The following FBN2 variants were observed in gnomAD, a reference collection of about 807,000 sequenced individuals.
FBN2 encodes the protein fibrillin-2.
A neutral mutation model predicts 355.6 loss-of-function variants in FBN2; 105 were observed. The ratio of observed to expected loss-of-function variants is 0.30; its 90% CI spans 0.25 to 0.35. FBN2 has a LOEUF of 0.35. Ranked by LOEUF, FBN2 falls within the 10% of genes least tolerant of loss-of-function variation. The probability of loss-of-function intolerance (pLI) is 1.00; values close to 1 mark genes in which losing one functional copy is unlikely to be tolerated. For missense variants in FBN2, 3,280 were observed against 3,758.7 expected (o/e 0.87, Z 3.33); for synonymous variants, 1,350 against 1,301.2 (o/e 1.04, Z -0.81).
Position 128,369,045 on chromosome 5 carries a change from T to C in FBN2, c.2248+137A>G, listed in dbSNP as rs148364306. The C allele has an allele frequency of 1.1e-3, 940 of 865,740 alleles. 13 individuals carry two copies. In the East Asian group the frequency reaches 0.02, roughly 19 times the overall value. The allele number at this position is 865,740 out of a possible 1,614,324, so 53.6% of individuals were successfully genotyped here. A position where few individuals can be genotyped will look rare whatever the true frequency, so the allele number is the denominator to read the frequency against. Reference sequence around the variant, plus strand: ...ATCTCCTTATTATATGCCTCACATATCAATACAGGATTGGATTTCTCTTCT... The same window carrying C: ...ATCTCCTTATTATATGCCTCACATACCAATACAGGATTGGATTTCTCTTCT... On this transcript the variant is annotated intron_variant, in intron 16 of 64. Coordinates refer to ENST00000262464, the MANE Select transcript of FBN2 (RefSeq NM_001999.4).
At chr5:128,438,850 C>A (rs1753844245) in intron 7 of FBN2, among the ~76,000 whole-genome samples, 2 of 152,084 alleles carry the variant, frequency 1.3e-5, no homozygotes, top group Non-Finnish European at 2.9e-5. Context: ...TAGGTTAGGG[C>A]ACTCAATGTG....
chr5:128,483,017 A>G (rs1367975622), intron 5 of FBN2, among the ~76,000 whole-genome samples: 1 of 152,224 alleles, frequency 6.6e-6, no homozygotes, highest in Non-Finnish European at 1.5e-5. Context: ...ACAGCCATAA[A>G]AAGGAAGCTG....
At position 128,259,599 on chromosome 5, in the gene FBN2, G is replaced by A. The variant is rs137914321; in HGVS notation, c.8595C>T (p.Pro2865=). Residue 2865 remains proline, a synonymous_variant, in exon 65 of 65, where the codon CCC becomes CCT. Transcript: ENST00000262464. ...TAGTGATTTCCAGTGTGTATGTGCC[G>A]GGCATGAGCTTCTTCTTGGCCGTGT... is the stretch of plus-strand genomic sequence containing the variant. ...YLHTAKKKLM[P]GTYTLEITSI... The A allele has an allele frequency of 4.7e-5, 76 of 1,613,986 alleles. No individual in the cohort carries two copies. In the African/African-American group the frequency reaches 5.6e-4, roughly 12 times the overall value.
chr5:128,483,551 C>T (rs1261494597), intron 5 of FBN2, among the ~76,000 whole-genome samples: 1 of 151,538 alleles, frequency 6.6e-6, no homozygotes, highest in East Asian at 1.9e-4. Flanking sequence ...CCAAAGCAAA[C>T]TGTTAGATTT....
Position 128,259,361 on chromosome 5 carries a change from T to A in FBN2, c.*94A>T. Reference sequence around the variant, plus strand: ...GGAGGAAAGAAACAAGAGTTATTATTATTTTTCCTCTTTAAAATTAGTCCT... The same window carrying A: ...GGAGGAAAGAAACAAGAGTTATTATAATTTTTCCTCTTTAAAATTAGTCCT... On this transcript the variant is annotated 3_prime_UTR_variant, in exon 65 of 65. Transcript: ENST00000262464. 1 of 1,422,314 alleles carries A rather than the reference T, an allele frequency of 7.0e-7. No individual in the cohort carries two copies. The highest frequency in any genetic ancestry group is 9.9e-7 in the Non-Finnish European group (1 of 1,008,034). The allele number at this position is 1,422,314 out of a possible 1,614,324, so 88.1% of individuals were successfully genotyped here.
chr5:128,369,656 C>T (rs1561422377), intron 15 of FBN2, among the ~76,000 whole-genome samples: 1 of 152,112 alleles, frequency 6.6e-6, no homozygotes, highest in African/African-American at 2.4e-5. Flanking sequence ...ATACTTGGAG[C>T]TCTAATCACT....
At chr5:128,450,773 A>G (rs753599679) in intron 6 of FBN2, among the ~76,000 whole-genome samples, 5 of 152,126 alleles carry the variant, frequency 3.3e-5, no homozygotes, top group Non-Finnish European at 7.4e-5. Flanking sequence ...GATTTTTATA[A>G]TAAACACTGT....
intron 5 of FBN2, among the ~76,000 whole-genome samples, chr5:128,500,430 C>CTT (rs149068555): frequency 4.5e-4 from 23 of 51,182 alleles, no homozygotes; most frequent in Non-Finnish European, 5.7e-4. Context: ...TCTGACAATT[C>CTT]TTTTTTTTTT....
intron 48 of FBN2, among the ~76,000 whole-genome samples, chr5:128,293,953 C>G (rs1749415549): frequency 6.6e-6 from 1 of 151,976 alleles, no homozygotes; most frequent in East Asian, 1.9e-4. Context: ...CGTCATCTAG[C>G]ATTAGGTATA....
At chr5:128,471,556 AT>A (rs1754860332) in intron 5 of FBN2, among the ~76,000 whole-genome samples, 1 of 152,162 alleles carries the variant, frequency 6.6e-6, no homozygotes, top group African/African-American at 2.4e-5. Flanking sequence ...CATTAAATTA[AT>A]ATTTTTATTT....
Position 128,303,006 on chromosome 5 carries a change from C to G in FBN2, c.5884G>C (p.Gly1962Arg), listed in dbSNP as rs1480959545. Residue 1962 changes from glycine (G) to arginine (R), a missense_variant, in exon 46 of 65, where the codon GGG (glycine) becomes CGG (arginine). By Grantham distance (125) the Gly-to-Arg change is moderately radical (BLOSUM62 -2). This residue lies in a region of FBN2 where 2,284 missense variants were observed against 2,749.5 expected (regional missense o/e 0.83). Transcript: ENST00000262464. ...TCATTATTATGAGTGAGTTCAAACC[C>G]TGGGTAGCACAGACAGTTATAGGAT... Reference protein sequence around the residue: ...VGSYNCLCYPGFELTHNNDCL... With the variant: ...VGSYNCLCYPRFELTHNNDCL... The G allele has an allele frequency of 6.2e-7, 1 of 1,609,150 alleles. No individual in the cohort carries two copies. The highest frequency in any genetic ancestry group is 1.3e-5 in the African/African-American group (1 of 74,770).
At chr5:128,521,070 T>C (rs1464714358) in intron 4 of FBN2, among the ~76,000 whole-genome samples, 2 of 152,178 alleles carry the variant, frequency 1.3e-5, no homozygotes, top group African/African-American at 4.8e-5. Context: ...TGTATGCGTA[T>C]GTTCATTGCA....
chr5:128,281,226 T>C (rs1329482404), intron 55 of FBN2, among the ~76,000 whole-genome samples: 3 of 152,232 alleles, frequency 2.0e-5, no homozygotes, highest in Non-Finnish European at 2.9e-5. Flanking sequence ...AAACCACTTA[T>C]ATCTGTCATG....
At chr5:128,373,660 T>C (rs977674694) in intron 15 of FBN2, among the ~76,000 whole-genome samples, 1 of 152,184 alleles carries the variant, frequency 6.6e-6, no homozygotes, top group East Asian at 1.9e-4. Context: ...TGAAAACATT[T>C]TTGGAGAGAA....
At chr5:128,282,534 T>A (rs182288438) in intron 55 of FBN2, among the ~76,000 whole-genome samples, 2 of 152,264 alleles carry the variant, frequency 1.3e-5, no homozygotes, top group East Asian at 3.9e-4. Flanking sequence ...CAAGTTTGAT[T>A]ATGTATAATA....
At chr5:128,331,143 A>G (rs1198962448) in intron 32 of FBN2, among the ~76,000 whole-genome samples, 3 of 152,236 alleles carry the variant, frequency 2.0e-5, no homozygotes, top group Non-Finnish European at 4.4e-5. Flanking sequence ...AGTTGAGCAG[A>G]AAAGACAGAT....
intron 5 of FBN2, among the ~76,000 whole-genome samples, chr5:128,467,618 G>A (rs1472510792): frequency 6.6e-6 from 1 of 152,094 alleles, no homozygotes; most frequent in Non-Finnish European, 1.5e-5. Context: ...TGCACTGTGG[G>A]AAAAATACTG....
chr5:128,400,156 A>C (rs374500833), intron 8 of FBN2, among the ~76,000 whole-genome samples: 9 of 152,004 alleles, frequency 5.9e-5, no homozygotes, highest in South Asian at 4.1e-4. Context: ...CTGCTACCAG[A>C]AGCTTTATTT....
chr5:128,441,544 G>A (rs1377656758), intron 7 of FBN2, among the ~76,000 whole-genome samples: 1 of 152,150 alleles, frequency 6.6e-6, no homozygotes, highest in East Asian at 1.9e-4. Context: ...CAGCTCTGTG[G>A]TGATGATTTA....
Sources: gnomAD v4.1 joint callset for allele counts (sites outside exome capture counted in the v4.1 genomes callset) on GRCh38, gnomAD v4.1.1 for gene constraint, gnomAD v4.1.1 regional missense constraint, MANE v1.5 for transcripts, NCBI Gene and HGNC (gene_info 2026-07-23, HGNC 2026-07-21) for gene names.